The following SCML2 variants were observed in gnomAD, a reference collection of about 807,000 sequenced individuals.
SCML2 encodes the protein sex comb on midleg-like protein 2.
A neutral mutation model predicts 48.4 loss-of-function variants in SCML2; 6 were observed. The observed-to-expected ratio is 0.12, with a 90% confidence interval of 0.07 to 0.24. SCML2 has a LOEUF of 0.24. Ranked by LOEUF, SCML2 falls within the 10% of genes least tolerant of loss-of-function variation. The pLI is 1.00. For synonymous variants in SCML2, 181 were observed against 189.5 expected (o/e 0.95, Z 0.37); for missense variants, 377 against 528.2 (o/e 0.71, Z 2.81).
chrX:18,354,278 G>A (rs1930468204), intron 1 of SCML2, among the ~76,000 whole-genome samples: 1 of 113,137 alleles, frequency 8.8e-6, no homozygotes, highest in Admixed American at 9.2e-5. Flanking sequence ...GCCGGAGGGC[G>A]CTGTCGGCGC....
At chrX:18,326,795 A>T (rs777991520) in intron 3 of SCML2, among the ~76,000 whole-genome samples, 45 of 111,094 alleles carry the variant, frequency 4.1e-4, no homozygotes, top group Non-Finnish European at 7.2e-4. Context: ...TCTTAGCCTC[A>T]GTTCCTTCAT....
intron 7 of SCML2, among the ~76,000 whole-genome samples, chrX:18,275,871 T>C: frequency 8.9e-6 from 1 of 112,510 alleles, no homozygotes; most frequent in Middle Eastern, 4.6e-3. Flanking sequence ...ACTGCAAATT[T>C]AGGTACCACT....
intron 1 of SCML2, chrX:18,341,379 C>T (rs757413713): frequency 7.6e-5 from 21 of 277,060 alleles, no homozygotes; most frequent in African/African-American, 4.8e-4. Flanking sequence ...CTGTCATCTT[C>T]GAGACCCCAG....
intron 1 of SCML2, 77 bp from the exon 2 acceptor site, chrX:18,334,172 C>T: frequency 1.5e-6 from 1 of 674,228 alleles, no homozygotes; most frequent in South Asian, 3.4e-5. Flanking sequence ...GTTATAAGGC[C>T]AGATCAATTT....
At chrX:18,301,308 G>T (rs1928580696) in intron 7 of SCML2, among the ~76,000 whole-genome samples, 1 of 110,692 alleles carries the variant, frequency 9.0e-6, no homozygotes, top group Admixed American at 9.6e-5. Context: ...TGAGGCAGGA[G>T]AATGACTTGA....
At chrX:18,340,460 C>T (rs996333279) in intron 1 of SCML2, among the ~76,000 whole-genome samples, 1 of 111,880 alleles carries the variant, frequency 8.9e-6, no homozygotes, top group Non-Finnish European at 1.9e-5. Flanking sequence ...AAAATCTCCG[C>T]TATTCTTAAG....
At chrX:18,292,136 A>G (rs1159303341) in intron 7 of SCML2, among the ~76,000 whole-genome samples, 1 of 112,144 alleles carries the variant, frequency 8.9e-6, no homozygotes, top group East Asian at 2.8e-4. Flanking sequence ...GAAATTTTGG[A>G]AAACAATTGT....
At chrX:18,272,228 T>A (rs1927486689) in intron 7 of SCML2, among the ~76,000 whole-genome samples, 2 of 112,344 alleles carry the variant, frequency 1.8e-5, no homozygotes, top group Middle Eastern at 4.6e-3. Context: ...GGACTGTTAC[T>A]GTCAGATAAG....
chrX:18,321,404 AG>A (rs1030858764), intron 5 of SCML2, among the ~76,000 whole-genome samples: 20 of 110,607 alleles, frequency 1.8e-4, no homozygotes, highest in African/African-American at 5.9e-4. Flanking sequence ...TGCCAGAATT[AG>A]AAAGAACTTG....
chrX:18,325,101 C>T (rs772017797), intron 3 of SCML2, 124 bp from the exon 4 acceptor site: 51 of 379,939 alleles, frequency 1.3e-4, no homozygotes, highest in African/African-American at 1.1e-3. Flanking sequence ...AAAAAAAAAA[C>T]TTCCAAAAGA....
At chrX:18,338,471 C>G (rs1183348233) in intron 1 of SCML2, among the ~76,000 whole-genome samples, 1 of 93,654 alleles carries the variant, frequency 1.1e-5, no homozygotes, top group East Asian at 3.5e-4. Flanking sequence ...AAAAAAAAAA[C>G]AATCCAGGCA....
chrX:18,293,255 C>T (rs191062145), intron 7 of SCML2, among the ~76,000 whole-genome samples: 70 of 111,006 alleles, frequency 6.3e-4, no homozygotes, highest in African/African-American at 2.0e-3. Flanking sequence ...TGGTGTATTG[C>T]CTAAATGTTT....
At chrX:18,280,316 G>C (rs781388757) in intron 7 of SCML2, among the ~76,000 whole-genome samples, 1 of 111,868 alleles carries the variant, frequency 8.9e-6, no homozygotes, top group South Asian at 3.7e-4. Context: ...CAAATGCTGA[G>C]AGAATGCATT....
chrX:18,310,558 G>A (rs1000439925), intron 6 of SCML2, among the ~76,000 whole-genome samples: 21 of 109,659 alleles, frequency 1.9e-4, no homozygotes, highest in African/African-American at 7.0e-4. Context: ...GAGCCACTGC[G>A]CCCAGCCTTT....
intron 6 of SCML2, among the ~76,000 whole-genome samples, chrX:18,307,932 A>C (rs756820578): frequency 2.2e-4 from 24 of 110,449 alleles, no homozygotes; most frequent in Non-Finnish European, 4.5e-4. Flanking sequence ...CGTCTCTACT[A>C]AAAATACAAA....
chrX:18,329,012 G>A (rs754000532), intron 3 of SCML2, among the ~76,000 whole-genome samples: 29 of 111,358 alleles, frequency 2.6e-4, no homozygotes, highest in Non-Finnish European at 4.9e-4. Context: ...GAGGCACTAG[G>A]GAGAAATGGG....
intron 3 of SCML2, among the ~76,000 whole-genome samples, chrX:18,329,473 C>T (rs751031775): frequency 8.9e-6 from 1 of 112,040 alleles, no homozygotes; most frequent in South Asian, 3.7e-4. Flanking sequence ...ACACAAGGGG[C>T]AAGAAATCTC....
At chrX:18,256,676 T>C (rs748066161) in intron 11 of SCML2, among the ~76,000 whole-genome samples, 172 bp downstream of exon 11, 2 of 111,097 alleles carry the variant, frequency 1.8e-5, no homozygotes, top group South Asian at 7.8e-4. Flanking sequence ...AAGTTCATTA[T>C]GAATACAAGA....
intron 3 of SCML2, among the ~76,000 whole-genome samples, chrX:18,329,375 T>C (rs1232495148): frequency 9.0e-6 from 1 of 111,385 alleles, no homozygotes; most frequent in Non-Finnish European, 1.9e-5. Flanking sequence ...TCCGTGGGGA[T>C]TACCTCTATA....
Sources: allele counts gnomAD v4.1 joint callset (sites outside exome capture counted in the v4.1 genomes callset), GRCh38; gene constraint gnomAD v4.1.1; transcripts MANE v1.5; gene names NCBI Gene and HGNC (gene_info 2026-07-23, HGNC 2026-07-21).